The following CRACDL variants were observed in gnomAD, a reference collection of about 807,000 sequenced individuals.
CRACDL encodes the protein CRACD like.
Under a neutral mutation model 70.6 loss-of-function variants are expected in CRACDL, and 26 were observed. The ratio of observed to expected loss-of-function variants is 0.37; its 90% CI spans 0.27 to 0.51. CRACDL has a LOEUF of 0.51. Among genes scored for constraint, CRACDL ranks in the 20% least tolerant of loss-of-function variants. The pLI is 0.94. For synonymous variants in CRACDL, 618 were observed against 615.2 expected (o/e 1.00, Z -0.07); for missense variants, 1,283 against 1,376.9 (o/e 0.93, Z 1.08).
rs1709031525 is a variant in CRACDL, at chr2:98,930,067, G to T, written c.-11+5871C>A. On this transcript the variant is annotated intron_variant, in intron 1 of 9. Coordinates refer to ENST00000397899, the MANE Select transcript of CRACDL (RefSeq NM_207362.3). ...CCAATGCTGGTCCTCTGAATCCAAG[G>T]CTGTTCAACACACTCACTAGTGAGC... 2.0e-5 allele frequency among the ~76,000 whole-genome samples: 3 copies of T among 152,180 alleles called. 1 individual carries two copies. In the South Asian group the frequency reaches 6.2e-4, roughly 32 times the overall value.
chr2:98,876,973 A>C (rs891211230), intron 1 of CRACDL, among the ~76,000 whole-genome samples: 1 of 152,214 alleles, frequency 6.6e-6, no homozygotes, highest in African/African-American at 2.4e-5. Context: ...TCATCACCAC[A>C]AGGAAAGATA....
chr2:98,866,790 G>A (rs1707165366), intron 1 of CRACDL, among the ~76,000 whole-genome samples: 2 of 151,996 alleles, frequency 1.3e-5, no homozygotes, highest in South Asian at 4.2e-4. Flanking sequence ...ACCGTGACCA[G>A]CAGAATCACT....
intron 7 of CRACDL, among the ~76,000 whole-genome samples, chr2:98,807,077 A>C (rs1704336535): frequency 6.6e-6 from 1 of 152,204 alleles, no homozygotes; most frequent in Admixed American, 6.5e-5. Context: ...TGACCCTCAC[A>C]GCCCTCCTTG....
At chr2:98,892,802 A>C (rs996180047) in intron 1 of CRACDL, among the ~76,000 whole-genome samples, 1 of 152,172 alleles carries the variant, frequency 6.6e-6, no homozygotes, top group African/African-American at 2.4e-5. Flanking sequence ...TATGCATATT[A>C]TATATATGTA....
intron 1 of CRACDL, among the ~76,000 whole-genome samples, chr2:98,874,786 A>G (rs949857928): frequency 6.6e-6 from 1 of 152,164 alleles, no homozygotes; most frequent in East Asian, 1.9e-4. Context: ...GGCACAGGGG[A>G]CAAATGCTGG....
At chr2:98,887,885 CTA>C (rs1707841288) in intron 1 of CRACDL, among the ~76,000 whole-genome samples, 1 of 152,194 alleles carries the variant, frequency 6.6e-6, no homozygotes, top group African/African-American at 2.4e-5. Context: ...ACCAAGAACA[CTA>C]TATCCAGCAA....
At position 98,795,049 on chromosome 2, in the gene CRACDL, ATAT is replaced by A. The variant is rs1559194881; in HGVS notation, c.2750-381_2750-379del. Among the ~76,000 whole-genome samples the A allele has an allele frequency of 6.6e-4, 12 of 18,082 alleles. 1 individual carries two copies. The highest frequency in any genetic ancestry group is 3.0e-3 in the South Asian group (2 of 666). The allele number at this position is 18,082 out of a possible 152,430, so 11.9% of individuals were successfully genotyped here. A position where few individuals can be genotyped will look rare whatever the true frequency, so the allele number is the denominator to read the frequency against. ...CCTTACCATAATTAAAAATATATATATATATATATATATATATATATATATATA... is the reference window on the plus strand; with the variant it reads ...CCTTACCATAATTAAAAATATATATAATATATATATATATATATATATATA... On this transcript the variant is annotated intron_variant, in intron 9 of 9. Transcript: ENST00000397899.
chr2:98,852,161 C>T (rs1047112617), intron 1 of CRACDL, among the ~76,000 whole-genome samples: 2 of 152,068 alleles, frequency 1.3e-5, no homozygotes, highest in Non-Finnish European at 2.9e-5. Flanking sequence ...GAAAAAACTT[C>T]AGAGAGAGGA....
chr2:98,847,261 C>T (rs543396844), intron 1 of CRACDL, among the ~76,000 whole-genome samples: 10 of 152,316 alleles, frequency 6.6e-5, no homozygotes, highest in African/African-American at 1.2e-4. Context: ...TCCACATGCA[C>T]ACATATCATA....
chr2:98,815,864 T>C lies in CRACDL; in HGVS notation c.2416+5993A>G, dbSNP rs572393432. ...GCCTCACAAGGGACATTACTGCCAC[T>C]GCCACCAGGGCAAGTAGTTTCAGCT... On this transcript the variant is annotated intron_variant, in intron 7 of 9. Transcript: ENST00000397899. Among the ~76,000 whole-genome samples, 17 of 152,350 alleles carry C rather than the reference T, an allele frequency of 1.1e-4. 1 individual carries two copies. In the South Asian group the frequency reaches 1.2e-3, roughly 11 times the overall value.
At chr2:98,873,910 G>A (rs940181152) in intron 1 of CRACDL, among the ~76,000 whole-genome samples, 1 of 152,230 alleles carries the variant, frequency 6.6e-6, no homozygotes, top group East Asian at 1.9e-4. Context: ...GGTGGCTGAG[G>A]TACAACAATT....
At chr2:98,844,416 T>A (rs1446316557) in intron 2 of CRACDL, among the ~76,000 whole-genome samples, 3 of 152,202 alleles carry the variant, frequency 2.0e-5, no homozygotes, top group Non-Finnish European at 4.4e-5. Context: ...CTGTTTCTCT[T>A]GTCTGCCTTC....
chr2:98,798,563 T>C (rs1386963294), intron 7 of CRACDL, among the ~76,000 whole-genome samples: 1 of 151,876 alleles, frequency 6.6e-6, no homozygotes, highest in African/African-American at 2.4e-5. Context: ...GTGGTGAAAT[T>C]GTGGGTCATT....
intron 7 of CRACDL, among the ~76,000 whole-genome samples, chr2:98,805,668 C>T (rs1400249320): frequency 6.6e-6 from 1 of 152,190 alleles, no homozygotes; most frequent in Non-Finnish European, 1.5e-5. Context: ...ACTCACTTTG[C>T]AGCCTAGGGG....
intron 1 of CRACDL, among the ~76,000 whole-genome samples, chr2:98,854,707 G>A (rs146341916): frequency 3.4e-4 from 51 of 152,170 alleles, no homozygotes; most frequent in African/African-American, 1.1e-3. Context: ...ATAATGAAAC[G>A]TCACATGAAA....
chr2:98,837,623 C>T (rs1705854420), intron 3 of CRACDL, among the ~76,000 whole-genome samples: 1 of 151,972 alleles, frequency 6.6e-6, no homozygotes, highest in African/African-American at 2.4e-5. Flanking sequence ...GTTTTTTGTG[C>T]TTATTGGGTC....
intron 1 of CRACDL, among the ~76,000 whole-genome samples, chr2:98,882,161 G>A (rs184527603): frequency 2.6e-5 from 4 of 152,320 alleles, no homozygotes; most frequent in Admixed American, 6.5e-5. Context: ...TCAGCCGGGC[G>A]ACTAAAGGCC....
rs1607255 is a variant in CRACDL at position 98,926,642 on chromosome 2, C to G, written c.-11+9296G>C. 3.9e-5 allele frequency among the ~76,000 whole-genome samples: 6 copies of G among 152,258 alleles called. No individual in the cohort carries two copies. In the South Asian group the frequency reaches 1.2e-3, roughly 32 times the overall value. On this transcript the variant is annotated intron_variant, in intron 1 of 9. Coordinates refer to ENST00000397899, the MANE Select transcript of CRACDL (RefSeq NM_207362.3). ...AACACCGAAAATACAATGATCCACT[C>G]AGAGGGGCAGCTTGGAACTCTACAG... is the stretch of plus-strand genomic sequence containing the variant.
intron 5 of CRACDL, among the ~76,000 whole-genome samples, chr2:98,828,862 C>CA (rs1705423547): frequency 1.3e-5 from 2 of 152,212 alleles, no homozygotes; most frequent in African/African-American, 4.8e-5. Context: ...CTTTGGCTCT[C>CA]ACTGTGGTCA....
Sources: allele counts gnomAD v4.1 joint callset (sites outside exome capture counted in the v4.1 genomes callset), GRCh38; gene constraint gnomAD v4.1.1; transcripts MANE v1.5; gene names NCBI Gene and HGNC (gene_info 2026-07-23, HGNC 2026-07-21).